CDH13: variants seen among roughly 807,000 people sequenced by gnomAD.
CDH13 encodes the protein cadherin-13.
A neutral mutation model predicts 63.8 loss-of-function variants in CDH13; 24 were observed. The observed-to-expected ratio is 0.38, with a 90% CI of 0.27 to 0.53. The LOEUF is 0.53. Ranked by LOEUF, CDH13 falls within the 20% of genes least tolerant of loss-of-function variation. The pLI is 0.85. For synonymous variants in CDH13, 503 were observed against 355.3 expected, an observed-to-expected ratio of 1.42 and a Z score of -4.67; for missense variants, 1,049 against 903.1, an observed-to-expected ratio of 1.16 and a Z score of -2.07.
chr16:83,355,702 G>C (rs2091038050), intron 6 of CDH13, among the ~76,000 whole-genome samples: 1 of 152,192 alleles, frequency 6.6e-6, no homozygotes, highest in South Asian at 2.1e-4. Context: ...GCATGAAACA[G>C]AATGGATGCT....
chr16:83,776,312 A>G (rs7198623), intron 11 of CDH13, among the ~76,000 whole-genome samples: 76,686 of 152,116 alleles, frequency 0.5, 19,884 homozygotes, highest in Non-Finnish European at 0.56. Flanking sequence ...GAGATATTCA[A>G]TTAGTTCAAT....
At chr16:83,701,727 C>G (rs1906261062) in intron 10 of CDH13, among the ~76,000 whole-genome samples, 5 of 152,176 alleles carry the variant, frequency 3.3e-5, no homozygotes, top group Non-Finnish European at 7.3e-5. Context: ...ACTTCAGCAC[C>G]ACGGTCAGCA....
At chr16:82,655,444 G>A (rs1343211001) in intron 1 of CDH13, among the ~76,000 whole-genome samples, 1 of 152,126 alleles carries the variant, frequency 6.6e-6, no homozygotes, top group Non-Finnish European at 1.5e-5. Flanking sequence ...GCCAGGAAGA[G>A]CAAAAAGCAA....
chr16:83,106,026 A>C (rs1444799552), intron 3 of CDH13, among the ~76,000 whole-genome samples: 1 of 152,196 alleles, frequency 6.6e-6, no homozygotes, highest in Non-Finnish European at 1.5e-5. Flanking sequence ...CACAAGATTA[A>C]ATTTGTTTCC....
At position 83,046,046 on chromosome 16, in the gene CDH13, T is replaced by C. The variant is rs1917752824; in HGVS notation, c.366+13828T>C. Reference sequence around the variant, plus strand: ...CTGTTGGGCCAGACTGTTGGTGCTGTTTGATTCTCAGCCCAATTGCTTGTT... The same window carrying C: ...CTGTTGGGCCAGACTGTTGGTGCTGCTTGATTCTCAGCCCAATTGCTTGTT... On this transcript the variant is annotated intron_variant, in intron 3 of 13. Transcript: ENST00000567109. Among the ~76,000 whole-genome samples the C allele has an allele frequency of 2.6e-5, 4 of 152,366 alleles. No homozygotes were observed. In the South Asian group the frequency reaches 8.3e-4, roughly 32 times the overall value.
chr16:83,174,377 C>G (rs1021159765), intron 4 of CDH13, among the ~76,000 whole-genome samples: 1 of 152,026 alleles, frequency 6.6e-6, no homozygotes, highest in Non-Finnish European at 1.5e-5. Flanking sequence ...ATTAATTTGT[C>G]TTTCCAATAT....
At chr16:83,074,651 C>G (rs549423864) in intron 3 of CDH13, among the ~76,000 whole-genome samples, 2 of 152,324 alleles carry the variant, frequency 1.3e-5, no homozygotes, top group East Asian at 3.9e-4. Flanking sequence ...CACATCCTTG[C>G]TAGCATCTGT....
chr16:82,760,445 C>T (rs964113349), intron 1 of CDH13, among the ~76,000 whole-genome samples: 12 of 151,892 alleles, frequency 7.9e-5, no homozygotes, highest in Non-Finnish European at 1.2e-4. Flanking sequence ...GAGTAGAGAC[C>T]AACTGAAAAA....
At chr16:82,999,220 TC>T (rs1162881471) in intron 2 of CDH13, among the ~76,000 whole-genome samples, 5 of 152,184 alleles carry the variant, frequency 3.3e-5, no homozygotes, top group African/African-American at 1.2e-4. Context: ...TTGTAGATAC[TC>T]CTTAATGTTA....
chr16:82,903,526 G>A (rs770450246), intron 2 of CDH13, among the ~76,000 whole-genome samples: 12 of 152,086 alleles, frequency 7.9e-5, no homozygotes, highest in Non-Finnish European at 1.5e-4. Context: ...CACCCACCCT[G>A]CCATTATCTT....
chr16:83,738,008 G>T (rs182737969), intron 10 of CDH13, among the ~76,000 whole-genome samples: 1 of 152,178 alleles, frequency 6.6e-6, no homozygotes, highest in Non-Finnish European at 1.5e-5. Flanking sequence ...TACATCGTAC[G>T]CCACCTCCTC....
chr16:83,111,400 T>C (rs887893419), intron 3 of CDH13, among the ~76,000 whole-genome samples: 2 of 152,150 alleles, frequency 1.3e-5, no homozygotes, highest in Admixed American at 1.3e-4. Flanking sequence ...AGGTGACATT[T>C]AGACTAAAGC....
At chr16:82,895,717 T>G (rs1344732090) in intron 2 of CDH13, among the ~76,000 whole-genome samples, 1 of 151,598 alleles carries the variant, frequency 6.6e-6, no homozygotes, top group African/African-American at 2.4e-5. Flanking sequence ...AGGGGTGTTT[T>G]CTGCTTGGTT....
rs539244828 is a variant in CDH13, at chr16:83,697,704, G to A, written c.1538+19243G>A. ...ACTCTGTCACCCAGGCTGGAGTGCA[G>A]TGGTGCAATCTCGGCTCACTTCAAC... On this transcript the variant is annotated intron_variant, in intron 10 of 13. Coordinates refer to ENST00000567109, the MANE Select transcript of CDH13 (RefSeq NM_001257.5). Among the ~76,000 whole-genome samples, 12 of 152,348 alleles carry A rather than the reference G, an allele frequency of 7.9e-5. No homozygotes were observed. In the South Asian group the frequency reaches 2.5e-3, roughly 32 times the overall value.
intron 2 of CDH13, chr16:82,954,344 T>A (rs373158261): frequency 1.3e-5 from 2 of 152,290 alleles, no homozygotes; most frequent in East Asian, 3.9e-4. Flanking sequence ...TTCTGGTGGC[T>A]AGAGAAAGCC....
chr16:83,104,839 A>G (rs964686292), intron 3 of CDH13, among the ~76,000 whole-genome samples: 17 of 152,206 alleles, frequency 1.1e-4, no homozygotes, highest in African/African-American at 4.1e-4. Flanking sequence ...AGCCATGTAG[A>G]TAAAACCAGG....
At chr16:83,705,494 C>T (rs11864347) in intron 10 of CDH13, among the ~76,000 whole-genome samples, 96,296 of 151,702 alleles carry the variant, frequency 0.63, 31,094 homozygotes, top group Middle Eastern at 0.74. Flanking sequence ...TGATGGTGGG[C>T]GCCTGTAGTC....
intron 3 of CDH13, among the ~76,000 whole-genome samples, chr16:83,072,224 G>T (rs368931521): frequency 1.3e-5 from 2 of 152,122 alleles, no homozygotes; most frequent in East Asian, 3.9e-4. Flanking sequence ...TCTGTATTCA[G>T]TTTATAAAAG....
intron 3 of CDH13, among the ~76,000 whole-genome samples, chr16:83,043,525 G>A (rs1205043737): frequency 6.7e-6 from 1 of 148,710 alleles, no homozygotes; most frequent in African/African-American, 2.5e-5. Context: ...GTGTGTGTGT[G>A]TGTATGTATA....
Sources: allele counts gnomAD v4.1 joint callset (sites outside exome capture counted in the v4.1 genomes callset), GRCh38; gene constraint gnomAD v4.1.1; transcripts MANE v1.5; gene names NCBI Gene and HGNC (gene_info 2026-07-23, HGNC 2026-07-21).